The following ANKFN1 variants were observed in gnomAD, a reference collection of about 807,000 sequenced individuals.
ANKFN1 encodes the protein ankyrin repeat and fibronectin type-III domain-containing protein 1.
In ANKFN1, 74 loss-of-function variants were observed where a neutral mutation model predicts 108.7. The ratio of observed to expected loss-of-function variants is 0.68; its 90% CI spans 0.56 to 0.83. ANKFN1 has a LOEUF of 0.83. Among genes scored for constraint, ANKFN1 ranks in the 40% least tolerant of loss-of-function variants. The pLI is 0.00. For missense variants in ANKFN1, 1,505 were observed against 1,382.3 expected, an observed-to-expected ratio of 1.09 and a Z score of -1.41; for synonymous variants, 547 against 516.2, an observed-to-expected ratio of 1.06 and a Z score of -0.81.
rs767276313 is a variant in ANKFN1, at chr17:56,350,861, G to T, written c.284G>T (p.Arg95Leu). ...CCCTCATCTCCCAACGCAGCCAAAC[G>T]CCTGTACAGGAACCTCTCTGAGAAA... ...SAPSSPNAAK[R>L]LYRNLSEKLK... is the part of the protein sequence containing the mutation. Residue 95 changes from arginine (R) to leucine (L), a missense_variant, in exon 5 of 21, where the codon CGC (arginine) becomes CTC (leucine). Physicochemically the swap from Arg to Leu is moderately radical, Grantham distance 102 (BLOSUM62 -2). Coordinates refer to ENST00000682825, the MANE Select transcript of ANKFN1 (RefSeq NM_001370326.1). 6.2e-7 allele frequency: 1 copy of T among 1,613,750 alleles called. No individual in the cohort carries two copies. Among genetic ancestry groups the T allele is most frequent in the Non-Finnish European group, 8.5e-7 (1 of 1,179,862 alleles).
At chr17:56,064,679 T>A (rs1400979237) in intron 4 of ANKFN1, among the ~76,000 whole-genome samples, 1 of 152,234 alleles carries the variant, frequency 6.6e-6, no homozygotes, top group African/African-American at 2.4e-5. Flanking sequence ...TGACTCCAAG[T>A]ACTGGCTGCT....
intron 2 of ANKFN1, among the ~76,000 whole-genome samples, chr17:56,222,644 T>C (rs1915968896): frequency 6.6e-6 from 1 of 152,110 alleles, no homozygotes; most frequent in African/African-American, 2.4e-5. Context: ...TGCTGAAAAC[T>C]GAATAAGGTA....
At chr17:56,061,476 T>C (rs1904975478) in intron 4 of ANKFN1, among the ~76,000 whole-genome samples, 1 of 152,000 alleles carries the variant, frequency 6.6e-6, no homozygotes, top group Non-Finnish European at 1.5e-5. Context: ...TTTCTCCATG[T>C]TGGGCAGGCT....
chr17:56,503,940 G>A (rs2051467508), intron 20 of ANKFN1, among the ~76,000 whole-genome samples: 2 of 152,226 alleles, frequency 1.3e-5, no homozygotes, highest in South Asian at 2.1e-4. Flanking sequence ...ACTGGGCAAG[G>A]TGCCTACAGT....
chr17:56,290,695 A>T (rs1219628298), intron 3 of ANKFN1, among the ~76,000 whole-genome samples: 2 of 152,154 alleles, frequency 1.3e-5, no homozygotes, highest in African/African-American at 2.4e-5. Flanking sequence ...TGAAAGTATT[A>T]AATTCTCTAT....
At chr17:56,119,581 G>C (rs1598107290) in intron 4 of ANKFN1, among the ~76,000 whole-genome samples, 1 of 152,106 alleles carries the variant, frequency 6.6e-6, no homozygotes, top group African/African-American at 2.4e-5. Context: ...AAGAAACATG[G>C]TTCATTTTGC....
chr17:56,241,309 A>G (rs1423289673), intron 3 of ANKFN1, among the ~76,000 whole-genome samples: 1 of 152,140 alleles, frequency 6.6e-6, no homozygotes, highest in Non-Finnish European at 1.5e-5. Context: ...CAACAAAAAA[A>G]AGAAAGTTAC....
chr17:56,367,376 T>C (rs2046689720), intron 6 of ANKFN1, among the ~76,000 whole-genome samples: 1 of 152,252 alleles, frequency 6.6e-6, no homozygotes, highest in South Asian at 2.1e-4. Flanking sequence ...CTTCAGTCCC[T>C]GATCATTGTT....
chr17:56,461,962 C>T (rs779002877), intron 14 of ANKFN1: 8 of 152,284 alleles, frequency 5.3e-5, no homozygotes, highest in Middle Eastern at 3.4e-3. Flanking sequence ...GCACCGTGAC[C>T]GGAGAGCCTC....
At chr17:56,406,763 T>C (rs1346643160) in intron 8 of ANKFN1, among the ~76,000 whole-genome samples, 3 of 152,196 alleles carry the variant, frequency 2.0e-5, no homozygotes, top group Admixed American at 2.0e-4. Context: ...GTATAAGTTA[T>C]AGAGTTAGAG....
At chr17:56,390,073 A>G (rs2047383510) in intron 8 of ANKFN1, among the ~76,000 whole-genome samples, 1 of 151,832 alleles carries the variant, frequency 6.6e-6, no homozygotes, top group Non-Finnish European at 1.5e-5. Context: ...GTACATGTGT[A>G]GAACATGCAG....
chr17:56,444,165 G>A (rs1003870432), intron 10 of ANKFN1, among the ~76,000 whole-genome samples: 1 of 151,452 alleles, frequency 6.6e-6, no homozygotes, highest in Non-Finnish European at 1.5e-5. Flanking sequence ...CTTTATATCA[G>A]TAACTACAAA....
chr17:56,300,203 G>C (rs1006299753), intron 3 of ANKFN1, among the ~76,000 whole-genome samples: 1 of 152,078 alleles, frequency 6.6e-6, no homozygotes, highest in Non-Finnish European at 1.5e-5. Context: ...AACAGGGAAT[G>C]CTTAGGGTAA....
At chr17:56,111,990 T>C (rs1905990515) in intron 4 of ANKFN1, among the ~76,000 whole-genome samples, 1 of 152,230 alleles carries the variant, frequency 6.6e-6, no homozygotes, top group African/African-American at 2.4e-5. Context: ...ATATTTTTAC[T>C]TAAGTGCATG....
intron 8 of ANKFN1, among the ~76,000 whole-genome samples, chr17:56,426,400 T>C (rs764834312): frequency 6.6e-6 from 1 of 152,226 alleles, no homozygotes; most frequent in African/African-American, 2.4e-5. Context: ...GACACCTTTA[T>C]TGGATACCTA....
At chr17:56,428,103 G>A (rs565607823) in intron 8 of ANKFN1, among the ~76,000 whole-genome samples, 95 of 151,896 alleles carry the variant, frequency 6.3e-4, no homozygotes, top group African/African-American at 2.2e-3. Context: ...GCATGGTGGC[G>A]GGCACCTGTA....
chr17:56,346,995 A>G (rs1035599195), intron 4 of ANKFN1, among the ~76,000 whole-genome samples: 2 of 151,918 alleles, frequency 1.3e-5, no homozygotes, highest in Non-Finnish European at 2.9e-5. Flanking sequence ...TTTATCATTT[A>G]TGAAAAGACA....
At chr17:56,291,701 C>G (rs2044368638) in intron 3 of ANKFN1, among the ~76,000 whole-genome samples, 1 of 152,102 alleles carries the variant, frequency 6.6e-6, no homozygotes, top group Non-Finnish European at 1.5e-5. Context: ...ATTGGCTCTT[C>G]CTGTGGGCCA....
At chr17:56,267,515 G>T (rs1294501369) in intron 3 of ANKFN1, among the ~76,000 whole-genome samples, 1 of 152,044 alleles carries the variant, frequency 6.6e-6, no homozygotes, top group Admixed American at 6.6e-5. Flanking sequence ...GTATTTCCTA[G>T]GTTAGTTTTA....
Sources: gnomAD v4.1 joint callset for allele counts (sites outside exome capture counted in the v4.1 genomes callset) on GRCh38, gnomAD v4.1.1 for gene constraint, MANE v1.5 for transcripts, NCBI Gene and HGNC (gene_info 2026-07-23, HGNC 2026-07-21) for gene names.